Variants in PLCE1 observed in about 807,000 individuals in gnomAD.
The protein encoded by PLCE1 is 1-phosphatidylinositol 4,5-bisphosphate phosphodiesterase epsilon-1.
Under a neutral mutation model 242.8 loss-of-function variants are expected in PLCE1, and 119 were observed. The ratio of observed to expected loss-of-function variants is 0.49; its 90% CI spans 0.42 to 0.57. The LOEUF (loss-of-function observed/expected upper bound fraction) is 0.57, where lower values mean the gene tolerates loss of function less well. Ranked by LOEUF, PLCE1 falls within the 20% of genes least tolerant of loss-of-function variation. The pLI is 0.00. For synonymous variants in PLCE1, 945 were observed against 1,017.4 expected, an observed-to-expected ratio of 0.93 and a Z score of 1.35; for missense variants, 2,441 against 2,788.8, an observed-to-expected ratio of 0.88 and a Z score of 2.81.
intron 7 of PLCE1, 131 bp downstream of exon 7, chr10:94,236,251 C>G: frequency 1.4e-6 from 1 of 717,652 alleles, no homozygotes; most frequent in East Asian, 2.7e-5. Flanking sequence ...TTAAGCCACA[C>G]TTCTTTATCT....
chr10:94,073,617 G>C lies in PLCE1; in HGVS notation c.1206+41365G>C, dbSNP rs372136564. 7.2e-5 allele frequency among the ~76,000 whole-genome samples: 11 copies of C among 152,176 alleles called. No individual in the cohort carries two copies. In the East Asian group the frequency reaches 9.6e-4, roughly 13 times the overall value. ...TCATTTCCTCTTCCCTTCCACTTTAGGGTTTTAAGTCAGGAATGGCAATAC... is the reference window on the plus strand; with the variant it reads ...TCATTTCCTCTTCCCTTCCACTTTACGGTTTTAAGTCAGGAATGGCAATAC... On this transcript the variant is annotated intron_variant, in intron 2 of 32. Transcript: ENST00000371380.
At chr10:94,238,501 GTAGAGAGAC>G (rs1399744310) in intron 7 of PLCE1, among the ~76,000 whole-genome samples, 2 of 152,150 alleles carry the variant, frequency 1.3e-5, no homozygotes, top group Non-Finnish European at 2.9e-5. Flanking sequence ...TCTTTTGATT[GTAGAGAGAC>G]TAACCCTTAG....
At chr10:94,214,274 C>A (rs140172483) in intron 4 of PLCE1, among the ~76,000 whole-genome samples, 2 of 152,124 alleles carry the variant, frequency 1.3e-5, no homozygotes, top group South Asian at 2.1e-4. Context: ...CAGTAAGGCA[C>A]GATCATTTAC....
chr10:94,207,514 C>CGTGT (rs56098317), intron 4 of PLCE1, among the ~76,000 whole-genome samples: 1,469 of 142,848 alleles, frequency 0.01, 18 homozygotes, highest in African/African-American at 0.025. Context: ...AATAGTTATA[C>CGTGT]GTGTGTGTGT....
chr10:93,993,955 A>C lies in PLCE1; in HGVS notation c.-668A>C, dbSNP rs188022846. Among the ~76,000 whole-genome samples, 2,824 of 150,392 alleles carry C rather than the reference A, an allele frequency of 0.019. 48 individuals are homozygous for C. The highest frequency in any genetic ancestry group is 0.046 in the African/African-American group (1,873 of 41,146). ...CGGGCAGCGCGCACATCTCGGCGGGAGCGGACTGTGAACGGCGCGGGTCCA... is the reference window on the plus strand; with the variant it reads ...CGGGCAGCGCGCACATCTCGGCGGGCGCGGACTGTGAACGGCGCGGGTCCA... On this transcript the variant is annotated 5_prime_UTR_variant, in exon 1 of 33. Transcript: ENST00000371380.
chr10:94,141,492 T>C (rs552221394), intron 3 of PLCE1, among the ~76,000 whole-genome samples: 2 of 124,130 alleles, frequency 1.6e-5, no homozygotes, highest in South Asian at 5.1e-4. Flanking sequence ...GAAGGGAAGG[T>C]GAAGGGAAGG....
At chr10:94,249,665 A>C (rs554849929) in intron 8 of PLCE1, among the ~76,000 whole-genome samples, 2 of 152,194 alleles carry the variant, frequency 1.3e-5, no homozygotes, top group African/African-American at 4.8e-5. Context: ...GTAACAAGAG[A>C]TAACACAGAA....
At chr10:94,187,173 T>G (rs891649922) in intron 4 of PLCE1, among the ~76,000 whole-genome samples, 15 of 151,174 alleles carry the variant, frequency 9.9e-5, no homozygotes, top group Non-Finnish European at 1.5e-4. Flanking sequence ...TGTGTGTGTG[T>G]GTGTGTGTGC....
intron 2 of PLCE1, among the ~76,000 whole-genome samples, chr10:94,044,232 C>G (rs746579648): frequency 6.6e-6 from 1 of 152,164 alleles, no homozygotes; most frequent in African/African-American, 2.4e-5. Context: ...GATTTAAACT[C>G]CAGGTCTTGC....
At chr10:94,254,107 C>T in intron 9 of PLCE1, 83 bp from the exon 10 acceptor site, 1 of 1,005,538 alleles carries the variant, frequency 9.9e-7, no homozygotes, top group Non-Finnish European at 1.6e-6. Flanking sequence ...GTGGGTAGGT[C>T]AGAAAATAGA....
chr10:94,227,497 A>G, intron 5 of PLCE1, 46 bp downstream of exon 5: 2 of 1,547,032 alleles, frequency 1.3e-6, no homozygotes, highest in Non-Finnish European at 1.8e-6. Flanking sequence ...ATCGCTTCTC[A>G]TCACCTGAAT....
intron 24 of PLCE1, among the ~76,000 whole-genome samples, chr10:94,304,149 C>T (rs529825688): frequency 4.6e-5 from 7 of 152,292 alleles, no homozygotes; most frequent in African/African-American, 1.7e-4. Context: ...CTGTATTTCA[C>T]AAGATTTTTC....
At chr10:94,102,849 G>A (rs2045588844) in intron 2 of PLCE1, among the ~76,000 whole-genome samples, 1 of 152,208 alleles carries the variant, frequency 6.6e-6, no homozygotes, top group Non-Finnish European at 1.5e-5. Flanking sequence ...GCATCCCAAT[G>A]TGAAATCCGT....
chr10:94,051,695 T>C (rs990901255), intron 2 of PLCE1, among the ~76,000 whole-genome samples: 1 of 152,138 alleles, frequency 6.6e-6, no homozygotes, highest in African/African-American at 2.4e-5. Flanking sequence ...TGGAACTGAA[T>C]ACAGTCCACA....
intron 13 of PLCE1, among the ~76,000 whole-genome samples, chr10:94,260,564 T>A (rs917377246): frequency 2.5e-4 from 38 of 152,112 alleles, no homozygotes; most frequent in African/African-American, 9.2e-4. Flanking sequence ...CATGGATTAG[T>A]CAAGTAGTTA....
intron 23 of PLCE1, among the ~76,000 whole-genome samples, chr10:94,295,037 T>A (rs1286049030): frequency 2.0e-5 from 3 of 148,452 alleles, no homozygotes; most frequent in African/African-American, 7.5e-5. Context: ...TGCCTCAGCC[T>A]CCTGAGTAGC....
chr10:94,149,466 A>G (rs1433399935), intron 3 of PLCE1, among the ~76,000 whole-genome samples: 3 of 152,210 alleles, frequency 2.0e-5, no homozygotes. Context: ...CAGGCACTAC[A>G]TGTCATAAAC....
intron 2 of PLCE1, among the ~76,000 whole-genome samples, chr10:94,080,373 A>C (rs1185540297): frequency 6.6e-6 from 1 of 152,124 alleles, no homozygotes; most frequent in Non-Finnish European, 1.5e-5. Context: ...AAGCCTTCCT[A>C]GACCACCACA....
rs535364248 is a variant in PLCE1, at chr10:94,028,820, A to G, written c.-364-1863A>G. ...AAAAATTAGCCAAGCGCAGTGCTATAGTCTCAGCTACTTGGGAGGCTGAGG... is the reference window on the plus strand; with the variant it reads ...AAAAATTAGCCAAGCGCAGTGCTATGGTCTCAGCTACTTGGGAGGCTGAGG... On this transcript the variant is annotated intron_variant, in intron 1 of 32. Transcript: ENST00000371380. 3.3e-5 allele frequency among the ~76,000 whole-genome samples: 5 copies of G among 152,206 alleles called. No homozygotes were observed. The South Asian group carries it at 1.0e-3, about 32-fold the overall frequency.
Sources: allele counts gnomAD v4.1 joint callset (sites outside exome capture counted in the v4.1 genomes callset), GRCh38; gene constraint gnomAD v4.1.1; transcripts MANE v1.5; gene names NCBI Gene and HGNC (gene_info 2026-07-23, HGNC 2026-07-21).